MCCC1: variants seen among roughly 807,000 people sequenced by gnomAD.
The protein encoded by MCCC1 is methylcrotonyl-CoA carboxylase subunit 1.
In MCCC1, 64 loss-of-function variants were observed where a neutral mutation model predicts 83.8. The ratio of observed to expected loss-of-function variants is 0.76; its 90% CI spans 0.62 to 0.94. The LOEUF (loss-of-function observed/expected upper bound fraction) is 0.94. MCCC1 is among the 40% of genes least tolerant of loss of function. MCCC1 has a pLI of 0.00. For missense variants in MCCC1, 807 were observed against 904.7 expected, an observed-to-expected ratio of 0.89 and a Z score of 1.39; for synonymous variants, 322 against 315.4, an observed-to-expected ratio of 1.02 and a Z score of -0.22.
intron 15 of MCCC1, among the ~76,000 whole-genome samples, chr3:183,024,469 G>A (rs564496074): frequency 2.6e-5 from 4 of 152,090 alleles, no homozygotes; most frequent in African/African-American, 9.6e-5. Context: ...TAAGAAATTG[G>A]CAGAGGACTC....
chr3:183,027,451 G>T (rs1712704868), intron 14 of MCCC1, among the ~76,000 whole-genome samples: 1 of 152,178 alleles, frequency 6.6e-6, no homozygotes, highest in Admixed American at 6.6e-5. Context: ...CCACCAAGTT[G>T]TGAATGCAAA....
chr3:183,111,161 A>C (rs1719486996), intron 1 of MCCC1, among the ~76,000 whole-genome samples: 1 of 152,194 alleles, frequency 6.6e-6, no homozygotes, highest in Admixed American at 6.5e-5. Context: ...GACAGGATAC[A>C]CAGCATGGTA....
At chr3:183,101,284 C>T (rs1251846214), upstream of MCCC1, among the ~76,000 whole-genome samples, 9 of 152,378 alleles carry the variant, frequency 5.9e-5, no homozygotes, top group South Asian at 1.9e-3. Flanking sequence ...GGAATGCGAG[C>T]GCACGGCGGC....
At chr3:183,099,602 G>T, upstream of MCCC1, 1 of 796,532 alleles carries the variant, frequency 1.3e-6, no homozygotes, top group Non-Finnish European at 2.0e-6. Flanking sequence ...GCGTCTCCAC[G>T]AACACCAATC....
intron 17 of MCCC1, among the ~76,000 whole-genome samples, chr3:183,018,680 A>G (rs1018776109): frequency 3.9e-5 from 6 of 152,352 alleles, no homozygotes; most frequent in Non-Finnish European, 7.4e-5. Flanking sequence ...TCAAGAATGT[A>G]GAAACAAGAC....
In MCCC1 at chr3:183,064,557, A is replaced by G. The variant is rs1329662147; in HGVS notation, c.761+6442T>C. 6.6e-6 allele frequency among the ~76,000 whole-genome samples: 1 copy of G among 152,146 alleles called. No homozygotes were observed. The highest frequency in any genetic ancestry group is 1.5e-5 in the Non-Finnish European group (1 of 68,008). On this transcript the variant is annotated intron_variant, in intron 7 of 18. Coordinates refer to ENST00000265594, the MANE Select transcript of MCCC1 (RefSeq NM_020166.5). This position sits in a 1 kb window ranked among gnomAD's most constrained non-coding sequence, Gnocchi z 4.5. ...TCATGGCACGCCACCAGCACGGGCCAGGCGCACAAGTGCAGCACCAGCGGG... is the reference window on the plus strand; with the variant it reads ...TCATGGCACGCCACCAGCACGGGCCGGGCGCACAAGTGCAGCACCAGCGGG...
chr3:183,018,511 G>A (rs192606475), intron 17 of MCCC1, among the ~76,000 whole-genome samples: 5 of 143,506 alleles, frequency 3.5e-5, no homozygotes, highest in Admixed American at 3.5e-4. Flanking sequence ...CAGCCCAAAT[G>A]CACTAGTCAA....
intron 7 of MCCC1, among the ~76,000 whole-genome samples, chr3:183,063,381 T>C (rs1390307128): frequency 6.6e-6 from 1 of 152,178 alleles, no homozygotes; most frequent in Non-Finnish European, 1.5e-5. Flanking sequence ...TTAAAGGTGG[T>C]TTCTTATCCC....
intron 1 of MCCC1, among the ~76,000 whole-genome samples, chr3:183,111,860 A>G (rs1299429386): frequency 1.3e-5 from 2 of 152,182 alleles, no homozygotes; most frequent in Non-Finnish European, 2.9e-5. Flanking sequence ...TTTTATTTTT[A>G]TCTTATAATT....
chr3:183,032,467 A>C (rs1713160991), intron 14 of MCCC1, among the ~76,000 whole-genome samples: 1 of 152,232 alleles, frequency 6.6e-6, no homozygotes, highest in South Asian at 2.1e-4. Flanking sequence ...GATGTTTACA[A>C]ATTTTCATTA....
intron 13 of MCCC1, among the ~76,000 whole-genome samples, chr3:183,035,853 T>C (rs1713537347): frequency 6.6e-6 from 1 of 151,964 alleles, no homozygotes; most frequent in Non-Finnish European, 1.5e-5. Context: ...ATACTTTAAG[T>C]TCTAGGGTAC....
chr3:183,106,427 G>C (rs1719404045), intron 1 of MCCC1, among the ~76,000 whole-genome samples: 1 of 151,874 alleles, frequency 6.6e-6, no homozygotes, highest in South Asian at 2.1e-4. Flanking sequence ...CAAACTTACA[G>C]AAAAGCTGCA....
intron 9 of MCCC1, 117 bp from the exon 10 acceptor site, chr3:183,045,657 G>T: frequency 9.4e-7 from 1 of 1,059,092 alleles, no homozygotes; most frequent in Non-Finnish European, 1.4e-6. Context: ...GTAACACTTT[G>T]CATTTCATGA....
intron 1 of MCCC1, 139 bp from the exon 2 acceptor site, chr3:183,094,744 A>G: frequency 1.2e-6 from 1 of 822,758 alleles, no homozygotes; most frequent in South Asian, 1.4e-5. Context: ...TAGTGGGTAG[A>G]AAACTAATCT....
At chr3:183,072,278 C>T (rs2108528205) in intron 5 of MCCC1, 88 bp downstream of exon 5, 1 of 1,486,544 alleles carries the variant, frequency 6.7e-7, no homozygotes, top group East Asian at 2.3e-5. Flanking sequence ...TCCCAAAACA[C>T]TGGTATTACA....
At chr3:183,029,153 A>G (rs1288076088) in intron 14 of MCCC1, 1 of 152,200 alleles carries the variant, frequency 6.6e-6, no homozygotes, top group East Asian at 1.9e-4. Flanking sequence ...AGATTACATG[A>G]GTATGGAAAT....
chr3:183,047,472 C>T (rs534065824), intron 9 of MCCC1, among the ~76,000 whole-genome samples: 1 of 152,070 alleles, frequency 6.6e-6, no homozygotes, highest in South Asian at 2.1e-4. Context: ...AGGCAAAAAA[C>T]ACAGTTTGAA....
At chr3:183,072,535 G>A in intron 4 of MCCC1, 48 bp from the exon 5 acceptor site, 1 of 1,606,820 alleles carries the variant, frequency 6.2e-7, no homozygotes, top group Non-Finnish European at 8.5e-7. Flanking sequence ...GTGCTCAACT[G>A]GCAACACCTT....
At chr3:183,075,085 A>G (rs1716968796) in intron 4 of MCCC1, among the ~76,000 whole-genome samples, 1 of 152,228 alleles carries the variant, frequency 6.6e-6, no homozygotes, top group Non-Finnish European at 1.5e-5. Flanking sequence ...TCCGTGGTGT[A>G]TATGTACCAC....
Sources: gnomAD v4.1 joint callset for allele counts (sites outside exome capture counted in the v4.1 genomes callset) on GRCh38, gnomAD v4.1.1 for gene constraint, Gnocchi (gnomAD v3.1) non-coding constraint, MANE v1.5 for transcripts, NCBI Gene and HGNC (gene_info 2026-07-23, HGNC 2026-07-21) for gene names.